The following KIF26B variants were observed in gnomAD, a reference collection of about 807,000 sequenced individuals.
The protein encoded by KIF26B is kinesin-like protein KIF26B.
A neutral mutation model predicts 151.2 loss-of-function variants in KIF26B; 63 were observed. The ratio of observed to expected loss-of-function variants is 0.42; its 90% CI spans 0.34 to 0.51. The LOEUF (loss-of-function observed/expected upper bound fraction) is 0.51. Ranked by LOEUF, KIF26B falls within the 20% of genes least tolerant of loss-of-function variation. The pLI is 0.07. For synonymous variants in KIF26B, 1,357 were observed against 1,262.1 expected (o/e 1.08, Z -1.59); for missense variants, 2,813 against 2,913.6 (o/e 0.97, Z 0.79).
Position 245,223,978 on chromosome 1 carries a change from A to G in KIF26B, c.465+67295A>G, listed in dbSNP as rs775567136. Among the ~76,000 whole-genome samples, 86 of 152,232 alleles carry G rather than the reference A, an allele frequency of 5.6e-4. 1 individual carries two copies. The highest frequency in any genetic ancestry group is 6.3e-4 in the Non-Finnish European group (43 of 68,012). On this transcript the variant is annotated intron_variant, in intron 2 of 14. Coordinates refer to ENST00000407071, the MANE Select transcript of KIF26B (RefSeq NM_018012.4). The stretch of plus-strand genomic sequence containing the variant: ...TTTTTAAATCTCAGCCCCTGAATAC[A>G]TGTTCTTTTAATATTCTGTATGATG...
intron 5 of KIF26B, among the ~76,000 whole-genome samples, chr1:245,548,719 C>T (rs965913169): frequency 8.0e-5 from 12 of 149,314 alleles, no homozygotes; most frequent in African/African-American, 2.2e-4. Flanking sequence ...ATAAGAGATT[C>T]GTAATCTTTT....
At chr1:245,490,492 T>C (rs1660385877) in intron 4 of KIF26B, among the ~76,000 whole-genome samples, 1 of 152,016 alleles carries the variant, frequency 6.6e-6, no homozygotes, top group South Asian at 2.1e-4. Context: ...TTTGTATTTT[T>C]ACTAGAGACA....
At chr1:245,581,087 G>A (rs188165031) in intron 5 of KIF26B, among the ~76,000 whole-genome samples, 2 of 152,354 alleles carry the variant, frequency 1.3e-5, no homozygotes, top group African/African-American at 4.8e-5. Context: ...GGCACAGGAA[G>A]AGCGTTGGCC....
rs768931508 is a variant in KIF26B, at chr1:245,687,493, G to C, written c.4510G>C (p.Asp1504His). The change falls in exon 12 of 15, where the codon GAC (aspartate) becomes CAC (histidine). Residue 1504 changes from aspartate to histidine, a missense_variant. Asp to His is a moderately conservative substitution (Grantham distance 81). Transcript: ENST00000407071. This position sits in a 1 kb window ranked among gnomAD's most constrained non-coding sequence, Gnocchi z 4.9. Reference protein sequence around the residue: ...SGEVSASPVTDNFRRVVDGCE... With the variant: ...SGEVSASPVTHNFRRVVDGCE... The stretch of plus-strand genomic sequence containing the variant: ...AGAGGTGTCGGCCTCCCCGGTCACT[G>C]ACAACTTCAGGAGGGTCGTGGATGG... 1.3e-6 allele frequency: 2 copies of C among 1,581,616 alleles called. No individual in the cohort carries two copies. The highest frequency in any genetic ancestry group is 8.6e-7 in the Non-Finnish European group (1 of 1,164,134).
chr1:245,195,983 A>G (rs1669185618), intron 2 of KIF26B, among the ~76,000 whole-genome samples: 1 of 152,052 alleles, frequency 6.6e-6, no homozygotes, highest in South Asian at 2.1e-4. Flanking sequence ...AAAAGGAGGG[A>G]CTGGAGCCCT....
intron 4 of KIF26B, among the ~76,000 whole-genome samples, chr1:245,474,016 A>G (rs914465796): frequency 9.2e-5 from 14 of 151,946 alleles, no homozygotes; most frequent in African/African-American, 2.6e-4. Flanking sequence ...TCTTTATGCT[A>G]GAAACATTTG....
At chr1:245,537,362 C>T (rs574227619) in intron 4 of KIF26B, among the ~76,000 whole-genome samples, 7 of 152,140 alleles carry the variant, frequency 4.6e-5, no homozygotes, top group Non-Finnish European at 8.8e-5. Context: ...GGACAGACCA[C>T]GTAGGCTTTA....
chr1:245,433,908 C>A (rs910187072), intron 4 of KIF26B, among the ~76,000 whole-genome samples: 5 of 151,920 alleles, frequency 3.3e-5, no homozygotes, highest in Non-Finnish European at 7.4e-5. Context: ...AGGGCCTTGG[C>A]AGTGACAAAG....
intron 9 of KIF26B, among the ~76,000 whole-genome samples, chr1:245,635,395 T>C (rs776830050): frequency 6.6e-5 from 10 of 152,160 alleles, no homozygotes; most frequent in Non-Finnish European, 1.5e-4. Context: ...TTTTCCATTC[T>C]TACACATTGT....
rs374961915 is a variant in KIF26B at position 245,404,056 on chromosome 1, G to A, written c.1000-15523G>A. ...ATTGCCCTACACACATGGAAACACT[G>A]CAGACTTCAAAGTTCCTTTGTTTTA... On this transcript the variant is annotated intron_variant, in intron 3 of 14. Transcript: ENST00000407071. 3.9e-5 allele frequency among the ~76,000 whole-genome samples: 6 copies of A among 152,250 alleles called. No individual in the cohort carries two copies. In the East Asian group the frequency reaches 1.2e-3, roughly 29 times the overall value.
chr1:245,470,984 T>A (rs1429690463), intron 4 of KIF26B, among the ~76,000 whole-genome samples: 1 of 152,146 alleles, frequency 6.6e-6, no homozygotes, highest in Non-Finnish European at 1.5e-5. Flanking sequence ...TCTGATCTTG[T>A]TTAGCTGGAA....
chr1:245,201,757 G>T (rs187917489), intron 2 of KIF26B, among the ~76,000 whole-genome samples: 2 of 152,122 alleles, frequency 1.3e-5, no homozygotes, highest in South Asian at 4.1e-4. Context: ...TTTAGGAGGC[G>T]TGGGGGCGGG....
At chr1:245,681,047 T>G (rs533156956) in intron 10 of KIF26B, among the ~76,000 whole-genome samples, 3 of 152,218 alleles carry the variant, frequency 2.0e-5, no homozygotes, top group Non-Finnish European at 4.4e-5. Flanking sequence ...AAAATCCATG[T>G]GTTAGACACA....
chr1:245,378,904 G>T (rs1292050131), intron 3 of KIF26B, among the ~76,000 whole-genome samples: 1 of 152,180 alleles, frequency 6.6e-6, no homozygotes, highest in Admixed American at 6.5e-5. Flanking sequence ...CAGAGCTGTT[G>T]TTGGGATCAT....
rs143620018 is a variant in KIF26B at position 245,245,478 on chromosome 1, A to G, written c.465+88795A>G. Among the ~76,000 whole-genome samples, 79 of 152,282 alleles carry G rather than the reference A, an allele frequency of 5.2e-4. 1 individual carries two copies. The highest frequency in any genetic ancestry group is 1.9e-3 in the African/African-American group (78 of 41,550). Reference sequence around the variant, plus strand: ...TTTATTTACACACCTGGCTCAGTCTAGACTGCAGACCTTTCAAAGGTTTGC... The same window carrying G: ...TTTATTTACACACCTGGCTCAGTCTGGACTGCAGACCTTTCAAAGGTTTGC... On this transcript the variant is annotated intron_variant, in intron 2 of 14. Transcript: ENST00000407071.
intron 2 of KIF26B, among the ~76,000 whole-genome samples, chr1:245,303,754 A>G (rs1671486919): frequency 6.6e-6 from 1 of 152,210 alleles, no homozygotes. Flanking sequence ...ACACTGATAA[A>G]ATATACATAA....
At chr1:245,356,120 G>A (rs1672691700) in intron 2 of KIF26B, among the ~76,000 whole-genome samples, 1 of 152,120 alleles carries the variant, frequency 6.6e-6, no homozygotes, top group South Asian at 2.1e-4. Context: ...GCGTGGTGAG[G>A]TCACACTTTG....
chr1:245,199,956 C>T (rs758662441), intron 2 of KIF26B, among the ~76,000 whole-genome samples: 9 of 152,314 alleles, frequency 5.9e-5, no homozygotes, highest in African/African-American at 1.2e-4. Flanking sequence ...CAAACAAACC[C>T]GGCCTCTGCC....
At position 245,643,989 on chromosome 1, in the gene KIF26B, G is replaced by T. The variant is rs142559208; in HGVS notation, c.2099-2132G>T. Among the ~76,000 whole-genome samples the T allele has an allele frequency of 4.1e-3, 631 of 152,146 alleles. 12 individuals are homozygous for T. Among genetic ancestry groups the T allele is most frequent in the African/African-American group, 0.015 (615 of 41,516 alleles). On this transcript the variant is annotated intron_variant, in intron 9 of 14. Coordinates refer to ENST00000407071, the MANE Select transcript of KIF26B (RefSeq NM_018012.4). ...GCCTTGATATAGTTTCTTCCTTTGTGCTTGGGGCTCACTTAGCTTCTTGGA... is the reference window on the plus strand; with the variant it reads ...GCCTTGATATAGTTTCTTCCTTTGTTCTTGGGGCTCACTTAGCTTCTTGGA...
Sources: gnomAD v4.1 joint callset for allele counts (sites outside exome capture counted in the v4.1 genomes callset) on GRCh38, gnomAD v4.1.1 for gene constraint, Gnocchi (gnomAD v3.1) non-coding constraint, MANE v1.5 for transcripts, NCBI Gene and HGNC (gene_info 2026-07-23, HGNC 2026-07-21) for gene names.